Variants in CA6 observed in about 807,000 individuals in gnomAD.
CA6 encodes carbonic anhydrase 6.
A neutral mutation model predicts 35.9 loss-of-function variants in CA6; 28 were observed. The ratio of observed to expected loss-of-function variants is 0.78; its 90% CI spans 0.58 to 1.07. The LOEUF (loss-of-function observed/expected upper bound fraction) is 1.07, where lower values mean the gene tolerates loss of function less well. Ranked by LOEUF, CA6 falls within the 50% of genes least tolerant of loss-of-function variation. The pLI is 0.00. For synonymous variants in CA6, 148 were observed against 152.6 expected, an observed-to-expected ratio of 0.97 and a Z score of 0.22; for missense variants, 377 against 382.0, an observed-to-expected ratio of 0.99 and a Z score of 0.11.
chr1:8,961,283 A>G (rs116835295), intron 4 of CA6, among the ~76,000 whole-genome samples: 1,835 of 152,346 alleles, frequency 0.012, 12 homozygotes, highest in Middle Eastern at 0.02. Context: ...AATGGAGAAT[A>G]GAAAAGACTA....
intron 7 of CA6, among the ~76,000 whole-genome samples, chr1:8,971,361 G>A (rs1050332730): frequency 2.7e-5 from 4 of 150,392 alleles, no homozygotes; most frequent in Admixed American, 2.7e-4. Flanking sequence ...ACCCAGGCTG[G>A]AGTGCAGTGG....
At chr1:8,972,661 C>T (rs988937044) in intron 7 of CA6, among the ~76,000 whole-genome samples, 3 of 151,916 alleles carry the variant, frequency 2.0e-5, no homozygotes, top group East Asian at 1.9e-4. Context: ...CCAGCCTGGG[C>T]GACAGAGAGA....
intron 4 of CA6, among the ~76,000 whole-genome samples, chr1:8,959,402 C>T (rs541053710): frequency 1.3e-5 from 2 of 151,882 alleles, no homozygotes; most frequent in Admixed American, 1.3e-4. Flanking sequence ...GCAATCTCCA[C>T]CTCCCAGGTT....
chr1:8,956,467 G>A (rs1639687055), intron 2 of CA6, among the ~76,000 whole-genome samples: 1 of 151,636 alleles, frequency 6.6e-6, no homozygotes, highest in African/African-American at 2.4e-5. Context: ...CGAGACCAGC[G>A]TAACCAATAT....
chr1:8,971,545 AG>A (rs757982602), intron 7 of CA6, among the ~76,000 whole-genome samples: 25 of 151,924 alleles, frequency 1.6e-4, no homozygotes, highest in Admixed American at 5.9e-4. Flanking sequence ...TCCTGACCTC[AG>A]GTGATCTGCC....
chr1:8,960,321 C>G (rs185963660), intron 4 of CA6, among the ~76,000 whole-genome samples: 13 of 149,680 alleles, frequency 8.7e-5, no homozygotes, highest in Admixed American at 8.0e-4. Context: ...TCTATAGAAA[C>G]TGACCTGAGT....
At position 8,957,230 on chromosome 1, in the gene CA6, C is replaced by CCTCGGAGATCAGCGG; in HGVS notation, c.357_371dup (p.Ile121_Glu125dup). 6.2e-7 allele frequency: 1 copy of CCTCGGAGATCAGCGG among 1,614,098 alleles called. No individual in the cohort carries two copies. Among genetic ancestry groups the CCTCGGAGATCAGCGG allele is most frequent in the Non-Finnish European group, 8.5e-7 (1 of 1,179,996 alleles). On this transcript the variant is annotated inframe_insertion, in exon 3 of 8. Transcript: ENST00000377443. ...ATGCACTTTCACTGGGGAGGTGCGT[C>CCTCGGAGATCAGCGG]CTCGGAGATCAGCGGCTCTGAGCAC...
At chr1:8,967,539 C>T (rs1639999894) in intron 5 of CA6, 120 bp from the exon 6 acceptor site, 1 of 742,922 alleles carries the variant, frequency 1.3e-6, no homozygotes, top group Non-Finnish European at 2.2e-6. Context: ...TCTTAATCAT[C>T]AGCTTCTATG....
chr1:8,959,368 G>A (rs1639773714), intron 4 of CA6, among the ~76,000 whole-genome samples: 1 of 150,236 alleles, frequency 6.7e-6, no homozygotes, highest in African/African-American at 2.5e-5. Flanking sequence ...AGGTTGGAGT[G>A]CAGTGGCACA....
rs199745231 is a variant in CA6 at position 8,949,294 on chromosome 1, G to A, written c.111G>A (p.Gln37=). The A allele has an allele frequency of 2.9e-5, 46 of 1,612,406 alleles. No homozygotes were observed. Among genetic ancestry groups the A allele is most frequent in the Non-Finnish European group, 3.9e-5 (46 of 1,179,224 alleles). ...CACTGGACGAAGCGCACTGGCCACAGCACTACCCCGCCTGTGGGGGCCAGA... is the reference window on the plus strand; with the variant it reads ...CACTGGACGAAGCGCACTGGCCACAACACTACCCCGCCTGTGGGGGCCAGA... ...EGALDEAHWP[Q]HYPACGGQRQ... The change falls in exon 2 of 8, where the codon CAG becomes CAA. Residue 37 remains glutamine, a synonymous_variant. Transcript: ENST00000377443.
Position 8,967,706 on chromosome 1 carries a change from A to C in CA6, c.619A>C (p.Arg207=). The change falls in exon 6 of 8, where the codon AGG becomes CGG. Residue 207 remains arginine (R), a synonymous_variant. Transcript: ENST00000377443. Reference sequence around the variant, plus strand: ...CCTTGACGTTCAGGACATGCTGCCCAGGAACCTCCAGCACTACTACACCTA... The same window carrying C: ...CCTTGACGTTCAGGACATGCTGCCCCGGAACCTCCAGCACTACTACACCTA... ...TGLDVQDMLP[R]NLQHYYTYHG... 1 of 1,614,068 alleles carries C rather than the reference A, an allele frequency of 6.2e-7. No individual in the cohort carries two copies. The highest frequency in any genetic ancestry group is 8.5e-7 in the Non-Finnish European group (1 of 1,179,960).
intron 7 of CA6, 64 bp downstream of exon 7, chr1:8,971,045 G>A: frequency 9.4e-7 from 1 of 1,065,642 alleles, no homozygotes. Flanking sequence ...CTTCCTCTAG[G>A]TGGACCCATC....
At chr1:8,948,197 C>T (rs1041642735) in intron 1 of CA6, among the ~76,000 whole-genome samples, 2 of 152,166 alleles carry the variant, frequency 1.3e-5, no homozygotes, top group African/African-American at 2.4e-5. Flanking sequence ...CAGCTACCCC[C>T]GAACAGGGAA....
chr1:8,973,522 C>A (rs1236893110), intron 7 of CA6, among the ~76,000 whole-genome samples: 1 of 152,160 alleles, frequency 6.6e-6, no homozygotes, highest in Non-Finnish European at 1.5e-5. Flanking sequence ...GTATTCCATG[C>A]TGTGATTTGT....
intron 2 of CA6, among the ~76,000 whole-genome samples, chr1:8,953,171 T>G (rs1045618980): frequency 6.6e-6 from 1 of 152,222 alleles, no homozygotes; most frequent in Non-Finnish European, 1.5e-5. Context: ...CTTAGCAATA[T>G]GCATTTAAGT....
chr1:8,973,710 C>CTT (rs1553164135), intron 7 of CA6, among the ~76,000 whole-genome samples: 35 of 106,490 alleles, frequency 3.3e-4, no homozygotes, highest in East Asian at 1.8e-3. Context: ...TTCTTTCTCT[C>CTT]TCTTTCTTTC....
rs3765969 is a variant in CA6 at position 8,947,526 on chromosome 1, G to C, written c.79+1561G>C. Reference sequence around the variant, plus strand: ...GTGATCTTACACATGGCAGTGCCTCGGAAGCCTGGGGCATTCTGCTTCACT... The same window carrying C: ...GTGATCTTACACATGGCAGTGCCTCCGAAGCCTGGGGCATTCTGCTTCACT... On this transcript the variant is annotated intron_variant, in intron 1 of 7. Coordinates refer to ENST00000377443, the MANE Select transcript of CA6 (RefSeq NM_001215.4). Among the ~76,000 whole-genome samples the C allele has an allele frequency of 7.8e-3, 1,187 of 152,152 alleles. 71 individuals are homozygous for C. The East Asian group carries it at 0.17, about 22-fold the overall frequency.
chr1:8,948,304 T>C lies in CA6; in HGVS notation c.80-959T>C, dbSNP rs114326264. Among the ~76,000 whole-genome samples the C allele has an allele frequency of 1.6e-3, 242 of 152,178 alleles. 6 individuals are homozygous for C. The highest frequency in any genetic ancestry group is 5.6e-3 in the African/African-American group (234 of 41,442). ...ATAATCACTCACCTATGTTACTCTG[T>C]CCCCTACGATTATCAACCCTCTCTG... On this transcript the variant is annotated intron_variant, in intron 1 of 7. Coordinates refer to ENST00000377443, the MANE Select transcript of CA6 (RefSeq NM_001215.4).
chr1:8,957,489 C>T (rs186112389), intron 3 of CA6, among the ~76,000 whole-genome samples: 45 of 152,232 alleles, frequency 3.0e-4, no homozygotes, highest in African/African-American at 8.2e-4. Flanking sequence ...TACAGGCACC[C>T]GCCACCATGC....
Sources: allele counts gnomAD v4.1 joint callset (sites outside exome capture counted in the v4.1 genomes callset), GRCh38; gene constraint gnomAD v4.1.1; transcripts MANE v1.5; gene names NCBI Gene and HGNC (gene_info 2026-07-23, HGNC 2026-07-21).